CACNA1D: variants seen among roughly 807,000 people sequenced by gnomAD.
CACNA1D encodes the protein calcium voltage-gated channel subunit alpha1 D, also known as voltage-dependent L-type calcium channel subunit alpha-1D.
In CACNA1D, 55 loss-of-function variants were observed where a neutral mutation model predicts 257.1. That is an observed-to-expected ratio of 0.21 (90% CI 0.17 to 0.27). CACNA1D has a LOEUF of 0.27. Among genes scored for constraint, CACNA1D ranks in the 10% least tolerant of loss-of-function variants. The pLI, the probability that CACNA1D is intolerant of heterozygous loss-of-function variation, is 1.00. For missense variants in CACNA1D, 1,876 were observed against 2,784.0 expected, an observed-to-expected ratio of 0.67 and a Z score of 7.34; for synonymous variants, 980 against 1,014.9, an observed-to-expected ratio of 0.97 and a Z score of 0.65.
In CACNA1D at chr3:53,732,090, G is replaced by C. The variant is rs768437282; in HGVS notation, c.2473+8G>C. On this transcript the variant is annotated splice_region_variant and intron_variant, in intron 18 of 47. Coordinates refer to ENST00000350061, the MANE Select transcript of CACNA1D (RefSeq NM_001128840.3). ...CGCCTTGCGATGTGCCAGGTATGGT[G>C]GCGGAGGCCGGAGACGCTGGCTTTG... The C allele has an allele frequency of 1.1e-5, 17 of 1,606,352 alleles. No homozygotes were observed. The African/African-American group carries it at 2.3e-4, about 21-fold the overall frequency.
intron 9 of CACNA1D, among the ~76,000 whole-genome samples, chr3:53,713,926 A>G (rs2094790807): frequency 6.6e-6 from 1 of 152,078 alleles, no homozygotes; most frequent in Admixed American, 6.5e-5. Context: ...ACCACACTGT[A>G]AGCCTAAGGG....
rs896336349 is a variant in CACNA1D, at chr3:53,565,008, A to T, written c.483+63288A>T. Among the ~76,000 whole-genome samples the T allele has an allele frequency of 2.6e-5, 4 of 152,032 alleles. No homozygotes were observed. The East Asian group carries it at 7.7e-4, about 29-fold the overall frequency. ...TAGATTTTTGTGTGTGGTATGAGGT[A>T]GGGGCCCAGTTTAATTTTTTTCCAT... On this transcript the variant is annotated intron_variant, in intron 3 of 47. Coordinates refer to ENST00000350061, the MANE Select transcript of CACNA1D (RefSeq NM_001128840.3).
chr3:53,628,126 A>G (rs2093781204), intron 3 of CACNA1D, among the ~76,000 whole-genome samples: 1 of 152,158 alleles, frequency 6.6e-6, no homozygotes, highest in African/African-American at 2.4e-5. Flanking sequence ...CAGTCACCCA[A>G]CTCTCCTTTA....
At chr3:53,767,814 C>T (rs1359132141) in intron 30 of CACNA1D, among the ~76,000 whole-genome samples, 1 of 152,168 alleles carries the variant, frequency 6.6e-6, no homozygotes, top group African/African-American at 2.4e-5. Context: ...GCACTGTCCC[C>T]CCGGGGCTGC....
rs993793291 is a variant in CACNA1D at position 53,598,416 on chromosome 3, A to C, written c.484-52363A>C. Among the ~76,000 whole-genome samples the C allele has an allele frequency of 1.3e-5, 2 of 151,336 alleles. 1 individual carries two copies. The highest frequency in any genetic ancestry group is 2.9e-5 in the Non-Finnish European group (2 of 67,808). On this transcript the variant is annotated intron_variant, in intron 3 of 47. Transcript: ENST00000350061. The stretch of plus-strand genomic sequence containing the variant: ...CATGGCACAACACCGTCTCTACTAA[A>C]AAAAAAAAAACCCAAAAATTAGTTT...
At position 53,702,713 on chromosome 3, in the gene CACNA1D, G is replaced by A. The variant is rs200177517; in HGVS notation, c.1293G>A (p.Leu431=). 1.2e-6 allele frequency: 2 copies of A among 1,614,118 alleles called. No homozygotes were observed. Among genetic ancestry groups the A allele is most frequent in the African/African-American group, 1.3e-5 (1 of 74,940 alleles). Residue 431 remains leucine, a synonymous_variant, in exon 9 of 48, where the codon CTG becomes CTA. Coordinates refer to ENST00000350061, the MANE Select transcript of CACNA1D (RefSeq NM_001128840.3). ...AGAAGCTCCGGGAGAAGCAGCAGCTGGAGGAGGATCTAAAGGGCTACTTGG... is the reference window on the plus strand; with the variant it reads ...AGAAGCTCCGGGAGAAGCAGCAGCTAGAGGAGGATCTAAAGGGCTACTTGG... The part of the protein sequence containing the change: ...DFQKLREKQQ[L]EEDLKGYLDW...
intron 3 of CACNA1D, among the ~76,000 whole-genome samples, chr3:53,596,928 G>C (rs1208584100): frequency 6.6e-6 from 1 of 152,148 alleles, no homozygotes; most frequent in Non-Finnish European, 1.5e-5. Context: ...GACACAAAAT[G>C]TTTTCTGCCT....
chr3:53,790,734 G>C (rs1001707350), intron 40 of CACNA1D, among the ~76,000 whole-genome samples: 1 of 152,208 alleles, frequency 6.6e-6, no homozygotes, highest in Non-Finnish European at 1.5e-5. Context: ...TCTTCTTAGG[G>C]AGGCTCAATG....
At chr3:53,566,733 C>T (rs1456310468) in intron 3 of CACNA1D, among the ~76,000 whole-genome samples, 3 of 152,126 alleles carry the variant, frequency 2.0e-5, no homozygotes, top group Non-Finnish European at 2.9e-5. Context: ...GCCCGTGCCC[C>T]ACCAGCCCTC....
chr3:53,609,078 G>A (rs1043720631), intron 3 of CACNA1D, among the ~76,000 whole-genome samples: 14 of 152,136 alleles, frequency 9.2e-5, no homozygotes, highest in African/African-American at 3.1e-4. Context: ...GTGAAATGGA[G>A]TCTGGAGTTC....
At chr3:53,777,682 C>A (rs1019685213) in intron 37 of CACNA1D, among the ~76,000 whole-genome samples, 16 of 152,190 alleles carry the variant, frequency 1.1e-4, no homozygotes, top group African/African-American at 3.9e-4. Context: ...TTGTGGCCAC[C>A]ACAGGAAATG....
intron 3 of CACNA1D, among the ~76,000 whole-genome samples, chr3:53,633,205 G>A (rs6802110): frequency 0.033 from 5,036 of 152,270 alleles, 112 homozygotes; most frequent in African/African-American, 0.058. Context: ...AGAAAACCAA[G>A]GCAAGGGCTG....
intron 3 of CACNA1D, among the ~76,000 whole-genome samples, chr3:53,508,802 G>A (rs1016318281): frequency 7.2e-5 from 11 of 152,278 alleles, no homozygotes; most frequent in African/African-American, 2.2e-4. Flanking sequence ...GTGGGGACAC[G>A]CCCCAACAGA....
intron 9 of CACNA1D, among the ~76,000 whole-genome samples, chr3:53,713,208 G>A (rs369560951): frequency 7.2e-5 from 11 of 152,190 alleles, no homozygotes; most frequent in South Asian, 6.2e-4. Flanking sequence ...GCATGTGGGC[G>A]TTTCTGCCTT....
At chr3:53,609,132 C>G (rs748340384) in intron 3 of CACNA1D, among the ~76,000 whole-genome samples, 1 of 152,098 alleles carries the variant, frequency 6.6e-6, no homozygotes, top group Admixed American at 6.6e-5. Flanking sequence ...GTTATTAGGC[C>G]GGGCGCTGTG....
At chr3:53,668,203 A>G (rs990097939) in intron 7 of CACNA1D, among the ~76,000 whole-genome samples, 1 of 152,168 alleles carries the variant, frequency 6.6e-6, no homozygotes, top group Non-Finnish European at 1.5e-5. Flanking sequence ...CTCTATTGAC[A>G]TGGTGAATTG....
At chr3:53,713,096 C>T (rs2094777656) in intron 9 of CACNA1D, among the ~76,000 whole-genome samples, 1 of 152,178 alleles carries the variant, frequency 6.6e-6, no homozygotes, top group African/African-American at 2.4e-5. Context: ...GGCTTCCCTC[C>T]TGAGGGTGGT....
chr3:53,503,768 T>A (rs1182866112), intron 3 of CACNA1D, among the ~76,000 whole-genome samples: 1 of 152,156 alleles, frequency 6.6e-6, no homozygotes, highest in African/African-American at 2.4e-5. Context: ...TGAACTTTTT[T>A]TTTTTTTTGT....
intron 8 of CACNA1D, among the ~76,000 whole-genome samples, chr3:53,679,961 A>G (rs995074429): frequency 6.6e-6 from 1 of 152,312 alleles, no homozygotes; most frequent in South Asian, 2.1e-4. Context: ...TCCTTTTTCT[A>G]ATAAAGAACC....
Sources: gnomAD v4.1 joint callset for allele counts (sites outside exome capture counted in the v4.1 genomes callset) on GRCh38, gnomAD v4.1.1 for gene constraint, MANE v1.5 for transcripts, NCBI Gene and HGNC (gene_info 2026-07-23, HGNC 2026-07-21) for gene names.